The following SH3BGRL variants were observed in gnomAD, a reference collection of about 807,000 sequenced individuals.
SH3BGRL encodes adapter SH3BGRL.
SH3BGRL carries 7 observed loss-of-function variants against 9.8 expected under a neutral mutation model. The ratio of observed to expected loss-of-function variants is 0.72; its 90% CI spans 0.41 to 1.35. The LOEUF is 1.35. SH3BGRL is among the 40% of genes most tolerant of loss of function. SH3BGRL has a pLI of 0.01. For missense variants in SH3BGRL, 73 were observed against 84.4 expected (o/e 0.86, Z 0.53); for synonymous variants, 36 against 29.1 (o/e 1.24, Z -0.76).
intron 3 of SH3BGRL, among the ~76,000 whole-genome samples, chrX:81,289,656 G>C (rs895891215): frequency 1.3e-4 from 14 of 111,047 alleles, no homozygotes; most frequent in Admixed American, 9.6e-4. Flanking sequence ...CTAGGAGTTT[G>C]AGACCTGCCT....
chrX:81,205,635 ATACTGATATCCT>A (rs1172093034), intron 1 of SH3BGRL, among the ~76,000 whole-genome samples: 2 of 108,971 alleles, frequency 1.8e-5, no homozygotes. Flanking sequence ...TTTCTTTGAT[ATACTGATATCCT>A]TTCTTTTGGA....
chrX:81,225,090 C>A (rs1380683783), intron 1 of SH3BGRL, among the ~76,000 whole-genome samples: 5 of 110,912 alleles, frequency 4.5e-5, no homozygotes, highest in African/African-American at 1.6e-4. Flanking sequence ...AATACTCAGG[C>A]CTTCTTTCAA....
intron 1 of SH3BGRL, among the ~76,000 whole-genome samples, chrX:81,223,350 G>A (rs1193281747): frequency 9.0e-6 from 1 of 110,865 alleles, no homozygotes; most frequent in Non-Finnish European, 1.9e-5. Context: ...TGGTGAAGTG[G>A]GAGATCAGAT....
At chrX:81,222,090 C>T (rs2075601569) in intron 1 of SH3BGRL, among the ~76,000 whole-genome samples, 1 of 112,305 alleles carries the variant, frequency 8.9e-6, no homozygotes, top group Admixed American at 9.4e-5. Context: ...TGCAGTAATA[C>T]TTTATTCCTT....
intron 1 of SH3BGRL, among the ~76,000 whole-genome samples, chrX:81,263,670 C>CTCAG (rs199762823): frequency 0.017 from 1,904 of 111,448 alleles, 46 homozygotes; most frequent in African/African-American, 0.059. Flanking sequence ...TTGTTACTGA[C>CTCAG]TCAAAGCTTG....
At chrX:81,296,470 C>T (rs1472248660) in intron 3 of SH3BGRL, among the ~76,000 whole-genome samples, 1 of 111,015 alleles carries the variant, frequency 9.0e-6, no homozygotes, top group Non-Finnish European at 1.9e-5. Flanking sequence ...AGCTTTTCTC[C>T]CTTCTTTTGC....
At chrX:81,247,566 T>C in intron 1 of SH3BGRL, among the ~76,000 whole-genome samples, 1 of 112,128 alleles carries the variant, frequency 8.9e-6, no homozygotes, top group Non-Finnish European at 1.9e-5. Context: ...GAGATGATTA[T>C]ATGGCTTTTG....
chrX:81,223,181 A>C lies in SH3BGRL; in HGVS notation c.45+20936A>C, dbSNP rs865838783. Among the ~76,000 whole-genome samples, 3 of 111,384 alleles carry C rather than the reference A, an allele frequency of 2.7e-5. No individual in the cohort carries two copies. The Admixed American group carries it at 2.9e-4, about 11-fold the overall frequency. On this transcript the variant is annotated intron_variant, in intron 1 of 3. Coordinates refer to ENST00000373212, the MANE Select transcript of SH3BGRL (RefSeq NM_003022.3). ...TGTGCAGAAGCTCTTTAGTTTAATT[A>C]GATCCCATTTGTCAATTTTGGCTTT... is the stretch of plus-strand genomic sequence containing the variant.
Position 81,277,003 on chromosome X carries a change from A to G in SH3BGRL, c.65A>G (p.Asp22Gly). 8.3e-7 allele frequency: 1 copy of G among 1,208,251 alleles called. No homozygotes were observed. The highest frequency in any genetic ancestry group is 3.0e-5 in the East Asian group (1 of 33,691). Reference protein sequence around the residue: ...GSTAIKKKQQDVLGFLEANKI... With the variant: ...GSTAIKKKQQGVLGFLEANKI... ...TCCTAGATTAAGAAGAAACAACAAG[A>G]TGTGCTTGGTTTCCTAGAAGCCAAC... Residue 22 changes from aspartate to glycine, a missense_variant, in exon 2 of 4, where the codon GAT becomes GGT. Coordinates refer to ENST00000373212, the MANE Select transcript of SH3BGRL (RefSeq NM_003022.3).
chrX:81,292,238 T>C (rs1296330180), intron 3 of SH3BGRL, among the ~76,000 whole-genome samples: 1 of 112,145 alleles, frequency 8.9e-6, no homozygotes, highest in Non-Finnish European at 1.9e-5. Flanking sequence ...ATACATCCTC[T>C]GAAATCTAGG....
intron 1 of SH3BGRL, among the ~76,000 whole-genome samples, chrX:81,238,831 A>G (rs979358580): frequency 7.4e-5 from 8 of 108,464 alleles, no homozygotes. Flanking sequence ...AGAGAGGGAG[A>G]GAGAGACTCC....
At chrX:81,275,005 A>G (rs1476831723) in intron 1 of SH3BGRL, among the ~76,000 whole-genome samples, 1 of 111,326 alleles carries the variant, frequency 9.0e-6, no homozygotes, top group Non-Finnish European at 1.9e-5. Context: ...TTACTCTCCA[A>G]CTGATGGCTG....
At chrX:81,272,356 T>A (rs2075783391) in intron 1 of SH3BGRL, among the ~76,000 whole-genome samples, 1 of 111,358 alleles carries the variant, frequency 9.0e-6, no homozygotes, top group Non-Finnish European at 1.9e-5. Flanking sequence ...TTGATGTTCC[T>A]TTTAGATGTA....
intron 1 of SH3BGRL, among the ~76,000 whole-genome samples, chrX:81,210,207 G>C (rs1261210015): frequency 9.0e-6 from 1 of 110,648 alleles, no homozygotes; most frequent in Non-Finnish European, 1.9e-5. Flanking sequence ...TTCATCTTAG[G>C]TAACATTTAC....
chrX:81,234,234 T>G (rs2075641057), intron 1 of SH3BGRL, among the ~76,000 whole-genome samples: 1 of 111,797 alleles, frequency 8.9e-6, no homozygotes, highest in East Asian at 2.8e-4. Flanking sequence ...TGCATCAATA[T>G]AGAAATACCT....
intron 1 of SH3BGRL, chrX:81,202,465 G>C: frequency 1.0e-6 from 1 of 991,191 alleles, no homozygotes; most frequent in Middle Eastern, 4.2e-4. Context: ...TCGTGACGTT[G>C]GGGGGCACAT....
Position 81,259,643 on chromosome X carries a change from A to G in SH3BGRL, c.46-17341A>G, listed in dbSNP as rs1277988802. On this transcript the variant is annotated intron_variant, in intron 1 of 3. Coordinates refer to ENST00000373212, the MANE Select transcript of SH3BGRL (RefSeq NM_003022.3). ...GTCACAAATTTAGTTTTGGTACTTG[A>G]TTGTGACAGTGTGATTTGTTTCAAG... 4.5e-5 allele frequency among the ~76,000 whole-genome samples: 5 copies of G among 111,897 alleles called. No homozygotes were observed. In the East Asian group the frequency reaches 8.4e-4, roughly 19 times the overall value.
chrX:81,251,971 A>G lies in SH3BGRL; in HGVS notation c.46-25013A>G, dbSNP rs761655451. Reference sequence around the variant, plus strand: ...AATGGAATTATTTATATGGAATTCTACATGTTCTGGATGGCTGGGAATATT... The same window carrying G: ...AATGGAATTATTTATATGGAATTCTGCATGTTCTGGATGGCTGGGAATATT... On this transcript the variant is annotated intron_variant, in intron 1 of 3. Coordinates refer to ENST00000373212, the MANE Select transcript of SH3BGRL (RefSeq NM_003022.3). Among the ~76,000 whole-genome samples the G allele has an allele frequency of 6.2e-5, 7 of 112,379 alleles. No homozygotes were observed. In the South Asian group the frequency reaches 2.6e-3, roughly 41 times the overall value.
At chrX:81,272,883 G>A (rs914626393) in intron 1 of SH3BGRL, among the ~76,000 whole-genome samples, 2 of 111,472 alleles carry the variant, frequency 1.8e-5, no homozygotes, top group Non-Finnish European at 3.8e-5. Flanking sequence ...GGGAGACTCC[G>A]TATCTGAATT....
Sources: gnomAD v4.1 joint callset for allele counts (sites outside exome capture counted in the v4.1 genomes callset) on GRCh38, gnomAD v4.1.1 for gene constraint, MANE v1.5 for transcripts, NCBI Gene and HGNC (gene_info 2026-07-23, HGNC 2026-07-21) for gene names.